The following NELL2 variants were observed in gnomAD, a reference collection of about 807,000 sequenced individuals.
NELL2 encodes the protein neural EGFL like 2, also known as protein kinase C-binding protein NELL2.
A neutral mutation model predicts 109.6 loss-of-function variants in NELL2; 41 were observed. The observed-to-expected ratio is 0.37, with a 90% CI of 0.29 to 0.49. The LOEUF (loss-of-function observed/expected upper bound fraction) is 0.49. Among genes scored for constraint, NELL2 ranks in the 20% least tolerant of loss-of-function variants. The pLI is 0.98. For missense variants in NELL2, 900 were observed against 1,008.3 expected, an observed-to-expected ratio of 0.89 and a Z score of 1.45; for synonymous variants, 355 against 344.7, an observed-to-expected ratio of 1.03 and a Z score of -0.33.
intron 7 of NELL2, among the ~76,000 whole-genome samples, chr12:44,776,840 G>T (rs1382416909): frequency 6.6e-6 from 1 of 152,122 alleles, no homozygotes; most frequent in African/African-American, 2.4e-5. Flanking sequence ...CCTCATTCCT[G>T]ATTTACTGAA....
At chr12:44,522,692 G>A (rs538337802) in intron 17 of NELL2, 1 of 152,776 alleles carries the variant, frequency 6.5e-6, no homozygotes, top group African/African-American at 2.4e-5. Flanking sequence ...AAAATAATTT[G>A]AGCATTTATT....
upstream of NELL2, chr12:44,876,622 G>A (rs1401860863): frequency 6.4e-7 from 1 of 1,551,036 alleles, no homozygotes; most frequent in East Asian, 2.4e-5. Context: ...GATTTCGGGC[G>A]CGTGTCTTGA....
intron 3 of NELL2, among the ~76,000 whole-genome samples, chr12:44,807,279 C>G (rs925724276): frequency 6.6e-6 from 1 of 151,306 alleles, no homozygotes; most frequent in Non-Finnish European, 1.5e-5. Flanking sequence ...ATATTCCTGT[C>G]TAAAACATTA....
chr12:44,771,844 G>A (rs536483791), intron 9 of NELL2, among the ~76,000 whole-genome samples: 1 of 152,288 alleles, frequency 6.6e-6, no homozygotes, highest in African/African-American at 2.4e-5. Flanking sequence ...GGACTGCCCA[G>A]AAATGCGCAA....
At chr12:44,906,626 A>T (rs2136887166) in intron 1 of NELL2, among the ~76,000 whole-genome samples, 1 of 152,206 alleles carries the variant, frequency 6.6e-6, no homozygotes, top group East Asian at 1.9e-4. Context: ...AAGAGGAATC[A>T]AGGAGAACTC....
chr12:44,810,962 A>G (rs1389180457), intron 3 of NELL2, among the ~76,000 whole-genome samples: 1 of 152,160 alleles, frequency 6.6e-6, no homozygotes, highest in Non-Finnish European at 1.5e-5. Flanking sequence ...GTATACACAT[A>G]AAATATTTAA....
chr12:44,856,061 C>T (rs1160362704), intron 2 of NELL2, among the ~76,000 whole-genome samples: 1 of 152,198 alleles, frequency 6.6e-6, no homozygotes, highest in East Asian at 1.9e-4. Flanking sequence ...CACAAGTATT[C>T]ACTTAGCAAG....
intron 3 of NELL2, among the ~76,000 whole-genome samples, chr12:44,793,843 T>C (rs960841993): frequency 1.5e-4 from 23 of 152,220 alleles, no homozygotes; most frequent in African/African-American, 5.5e-4. Context: ...TGAAACAGAA[T>C]GTCTTCAAAA....
At chr12:44,589,301 C>T (rs1407334605) in intron 15 of NELL2, among the ~76,000 whole-genome samples, 1 of 151,658 alleles carries the variant, frequency 6.6e-6, no homozygotes, top group Non-Finnish European at 1.5e-5. Flanking sequence ...CAACAAAATA[C>T]TCCTTTTATG....
intron 2 of NELL2, among the ~76,000 whole-genome samples, chr12:44,832,456 T>C (rs1368171934): frequency 1.3e-5 from 2 of 152,232 alleles, no homozygotes; most frequent in African/African-American, 2.4e-5. Context: ...TGATATGCTT[T>C]CCAGGTGTAG....
At chr12:44,692,797 T>C (rs1275833496) in intron 12 of NELL2, among the ~76,000 whole-genome samples, 1 of 152,158 alleles carries the variant, frequency 6.6e-6, no homozygotes, top group Non-Finnish European at 1.5e-5. Flanking sequence ...AAATGAAGCC[T>C]GAAGATGTGA....
chr12:44,781,159 A>G (rs1941944085), intron 3 of NELL2, among the ~76,000 whole-genome samples: 1 of 152,142 alleles, frequency 6.6e-6, no homozygotes, highest in Non-Finnish European at 1.5e-5. Flanking sequence ...AATGAAAAAA[A>G]TAGAAAGTTT....
chr12:44,706,440 T>C (rs1393231759), intron 11 of NELL2, among the ~76,000 whole-genome samples: 1 of 152,184 alleles, frequency 6.6e-6, no homozygotes, highest in Admixed American at 6.6e-5. Context: ...ATAATCCTAT[T>C]ATCTTCATAG....
At chr12:44,564,532 G>A (rs536367131) in intron 15 of NELL2, among the ~76,000 whole-genome samples, 10 of 152,196 alleles carry the variant, frequency 6.6e-5, no homozygotes, top group Non-Finnish European at 1.5e-4. Context: ...CTAGGCACTA[G>A]GCTAGGCCCT....
At chr12:44,614,539 G>C (rs150951215) in intron 13 of NELL2, among the ~76,000 whole-genome samples, 1 of 151,838 alleles carries the variant, frequency 6.6e-6, no homozygotes, top group East Asian at 1.9e-4. Context: ...AGTAAAGTTC[G>C]TCCATGGGAA....
intron 2 of NELL2, among the ~76,000 whole-genome samples, chr12:44,840,351 T>C (rs1265165934): frequency 2.0e-5 from 3 of 152,206 alleles, no homozygotes; most frequent in Non-Finnish European, 4.4e-5. Flanking sequence ...TTTCCCTTTC[T>C]AAAGGGCCAC....
intron 9 of NELL2, among the ~76,000 whole-genome samples, chr12:44,746,206 C>T (rs1229437645): frequency 6.6e-6 from 1 of 152,136 alleles, no homozygotes; most frequent in East Asian, 1.9e-4. Flanking sequence ...AAAAGGATTC[C>T]CTATTTAATA....
intron 9 of NELL2, among the ~76,000 whole-genome samples, chr12:44,756,316 TC>T (rs1322724498): frequency 6.6e-6 from 1 of 152,072 alleles, no homozygotes; most frequent in East Asian, 1.9e-4. Flanking sequence ...TCCTTATCTC[TC>T]ATTTTCTCTC....
chr12:44,662,907 A>G (rs555631648), intron 13 of NELL2, among the ~76,000 whole-genome samples: 60 of 152,300 alleles, frequency 3.9e-4, no homozygotes, highest in African/African-American at 1.3e-3. Context: ...GAGCTCGGAC[A>G]CAAACATCAG....
Sources: gnomAD v4.1 joint callset for allele counts (sites outside exome capture counted in the v4.1 genomes callset) on GRCh38, gnomAD v4.1.1 for gene constraint, MANE v1.5 for transcripts, NCBI Gene and HGNC (gene_info 2026-07-23, HGNC 2026-07-21) for gene names.